Variants in CASZ1 observed in about 807,000 individuals in gnomAD.
CASZ1 encodes the protein zinc finger protein castor homolog 1.
CASZ1 carries 28 observed loss-of-function variants against 135.2 expected under a neutral mutation model. The observed-to-expected ratio is 0.21, with a 90% CI of 0.15 to 0.28. The LOEUF is 0.28. Ranked by LOEUF, CASZ1 falls within the 10% of genes least tolerant of loss-of-function variation. The pLI is 1.00. For synonymous variants in CASZ1, 1,068 were observed against 1,073.4 expected (o/e 0.99, Z 0.10); for missense variants, 2,161 against 2,453.3 (o/e 0.88, Z 2.52).
rs1222200851 is a variant in CASZ1 at position 10,726,554 on chromosome 1, A to G, written c.-76-21010T>C. Among the ~76,000 whole-genome samples, 1 of 152,192 alleles carries G rather than the reference A, an allele frequency of 6.6e-6. No individual in the cohort carries two copies. Among genetic ancestry groups the G allele is most frequent in the African/African-American group, 2.4e-5 (1 of 41,448 alleles). On this transcript the variant is annotated intron_variant, in intron 2 of 20. Coordinates refer to ENST00000377022, the MANE Select transcript of CASZ1 (RefSeq NM_001079843.3). This position sits in a 1 kb window ranked among gnomAD's most constrained non-coding sequence, Gnocchi z 5.7. ...CAGGCCAAGCTGAAGGCTGCATGCC[A>G]ATCCGGCCAGAGGAAACACCGGGCA...
rs1378790769 is a variant in CASZ1, at chr1:10,657,305, C to T, written c.1410-569G>A. Among the ~76,000 whole-genome samples the T allele has an allele frequency of 3.3e-5, 5 of 152,248 alleles. No individual in the cohort carries two copies. Among genetic ancestry groups the T allele is most frequent in the African/African-American group, 1.2e-4 (5 of 41,470 alleles). On this transcript the variant is annotated intron_variant, in intron 7 of 20. Coordinates refer to ENST00000377022, the MANE Select transcript of CASZ1 (RefSeq NM_001079843.3). The surrounding 1 kb of genome is among the most constrained non-coding windows in gnomAD (Gnocchi z 5.7). ...TGTGCTGCCTCCCAGGAAACCCGTC[C>T]TCCTCCAGGCCCCAGGGCCGCTGGG... is the stretch of plus-strand genomic sequence containing the variant.
chr1:10,671,905 G>A (rs1570452497), intron 4 of CASZ1, among the ~76,000 whole-genome samples: 3 of 152,232 alleles, frequency 2.0e-5, no homozygotes, highest in South Asian at 4.1e-4. Flanking sequence ...GGGAGCAGGT[G>A]TGGCTGGCTG....
rs1204486203 is a variant in CASZ1 at position 10,727,059 on chromosome 1, TGAG to T, written c.-76-21518_-76-21516del. Among the ~76,000 whole-genome samples, 5 of 151,356 alleles carry T rather than the reference TGAG, an allele frequency of 3.3e-5. No homozygotes were observed. The East Asian group carries it at 9.8e-4, about 30-fold the overall frequency. ...TCTGGAAGAGAACACAGCCTGTGAG[TGAG>T]GAGGACTGAAACGAAGGCAGAGGGG... On this transcript the variant is annotated intron_variant, in intron 2 of 20. Coordinates refer to ENST00000377022, the MANE Select transcript of CASZ1 (RefSeq NM_001079843.3). The surrounding 1 kb of genome is among the most constrained non-coding windows in gnomAD (Gnocchi z 5.3).
At position 10,720,369 on chromosome 1, in the gene CASZ1, T is replaced by G. The variant is rs1205912232; in HGVS notation, c.-76-14825A>C. ...GATATGGTAACTAGGAATCGTGCCT[T>G]TGGGGCTGGTGATGGCAGAGAGACT... is the stretch of plus-strand genomic sequence containing the variant. On this transcript the variant is annotated intron_variant, in intron 2 of 20. Transcript: ENST00000377022. The surrounding 1 kb of genome is among the most constrained non-coding windows in gnomAD (Gnocchi z 5.7). 6.6e-6 allele frequency among the ~76,000 whole-genome samples: 1 copy of G among 152,150 alleles called. No homozygotes were observed. Among genetic ancestry groups the G allele is most frequent in the Admixed American group, 6.5e-5 (1 of 15,280 alleles).
In CASZ1 at chr1:10,639,139, C is replaced by A; in HGVS notation, c.5083G>T (p.Glu1695Ter). 9.0e-7 allele frequency: 1 copy of A among 1,115,326 alleles called. No individual in the cohort carries two copies. The highest frequency in any genetic ancestry group is 1.1e-6 in the Non-Finnish European group (1 of 898,240). 69.1% of individuals were successfully genotyped at this position (1,115,326 alleles called of 1,614,324 possible). A position where few individuals can be genotyped will look rare whatever the true frequency, so the allele number is the denominator to read the frequency against. Residue 1695 changes from glutamate (E) to a stop codon, truncating the protein, a stop_gained, in exon 21 of 21, where the codon GAG becomes TAG. Transcript: ENST00000377022. LOFTEE classifies it high-confidence loss of function. The surrounding 1 kb of genome is among the most constrained non-coding windows in gnomAD (Gnocchi z 4.0). The part of the protein sequence containing the change: ...PEEEAEDDED[E>*]DDDEDDDDED... The stretch of plus-strand genomic sequence containing the variant: ...TCGTCGTCGTCCTCGTCGTCGTCCT[C>A]GTCCTCGTCGTCTTCGGCCTCCTCC...
intron 4 of CASZ1, among the ~76,000 whole-genome samples, chr1:10,681,230 C>A (rs530644313): frequency 1.3e-5 from 2 of 151,420 alleles, no homozygotes; most frequent in Non-Finnish European, 2.9e-5. Flanking sequence ...AGTCTTTTAT[C>A]CATTACCCTC....
intron 2 of CASZ1, among the ~76,000 whole-genome samples, chr1:10,708,969 G>A (rs904095969): frequency 2.9e-5 from 3 of 102,354 alleles, no homozygotes; most frequent in African/African-American, 2.0e-4. Context: ...TGGAGGACGG[G>A]GAGGGGGGGG....
At chr1:10,653,204 C>T (rs1230302207) in intron 11 of CASZ1, 173 bp downstream of exon 11, 1 of 730,888 alleles carries the variant, frequency 1.4e-6, no homozygotes, top group Admixed American at 2.3e-5. Flanking sequence ...AGGGGCCCCA[C>T]ATAGAAACCA....
At chr1:10,783,660 G>T (rs901399896) in intron 1 of CASZ1, among the ~76,000 whole-genome samples, 7 of 151,928 alleles carry the variant, frequency 4.6e-5, no homozygotes, top group Admixed American at 4.6e-4. Flanking sequence ...ATCACTTGAG[G>T]TCAGGGGTTC....
rs920653465 is a variant in CASZ1 at position 10,757,113 on chromosome 1, C to T, written c.-77+3588G>A. Among the ~76,000 whole-genome samples the T allele has an allele frequency of 3.3e-5, 5 of 152,284 alleles. No individual in the cohort carries two copies. Among genetic ancestry groups the T allele is most frequent in the African/African-American group, 1.2e-4 (5 of 41,568 alleles). ...TTCCCTCCGCAAGGAGCCCGACCCA[C>T]TCAAACGAGCCTTTCTCAGCACCCA... On this transcript the variant is annotated intron_variant, in intron 2 of 20. Coordinates refer to ENST00000377022, the MANE Select transcript of CASZ1 (RefSeq NM_001079843.3). This position sits in a 1 kb window ranked among gnomAD's most constrained non-coding sequence, Gnocchi z 4.6.
At chr1:10,750,192 C>T (rs886505607) in intron 2 of CASZ1, among the ~76,000 whole-genome samples, 6 of 152,262 alleles carry the variant, frequency 3.9e-5, no homozygotes, top group East Asian at 3.9e-4. Context: ...GTTTCAGGGC[C>T]GACTGCACAA....
At chr1:10,780,680 T>C (rs1276058616) in intron 1 of CASZ1, among the ~76,000 whole-genome samples, 4 of 152,220 alleles carry the variant, frequency 2.6e-5, no homozygotes, top group African/African-American at 9.6e-5. Context: ...CCCTTTGATC[T>C]ATTTTCAAAA....
Position 10,642,899 on chromosome 1 carries a change from G to A in CASZ1, c.4122C>T (p.Ser1374=), listed in dbSNP as rs778034955. 3 of 1,612,900 alleles carry A rather than the reference G, an allele frequency of 1.9e-6. No individual in the cohort carries two copies. Among genetic ancestry groups the A allele is most frequent in the Non-Finnish European group, 2.5e-6 (3 of 1,179,974 alleles). Residue 1374 remains serine, a synonymous_variant, in exon 20 of 21, where the codon AGC becomes AGT. Transcript: ENST00000377022. The part of the protein sequence containing the change: ...MSSESSTMDR[S]CSSTPVGNES... Reference sequence around the variant, plus strand: ...CGTTACCCACGGGGGTGCTGGAGCAGCTCCGGTCCATGGTGGATGACTCAG... The same window carrying A: ...CGTTACCCACGGGGGTGCTGGAGCAACTCCGGTCCATGGTGGATGACTCAG...
chr1:10,648,202 A>G (rs939567097), intron 15 of CASZ1, 63 bp from the exon 16 acceptor site: 11 of 1,193,172 alleles, frequency 9.2e-6, no homozygotes, highest in Admixed American at 8.2e-5. Context: ...AGGGGCATGC[A>G]TGTGACCCCA....
Position 10,735,894 on chromosome 1 carries a change from T to C in CASZ1, c.-77+24807A>G, listed in dbSNP as rs1020799576. Among the ~76,000 whole-genome samples, 3 of 152,226 alleles carry C rather than the reference T, an allele frequency of 2.0e-5. No individual in the cohort carries two copies. Among genetic ancestry groups the C allele is most frequent in the African/African-American group, 7.2e-5 (3 of 41,536 alleles). ...CCCCAGGCACATCAGGTTGAAAATG[T>C]GCTTTTTCAGCCAGCTCTGGTCAAG... On this transcript the variant is annotated intron_variant, in intron 2 of 20. Transcript: ENST00000377022. The surrounding 1 kb of genome is among the most constrained non-coding windows in gnomAD (Gnocchi z 5.1).
rs1354451210 is a variant in CASZ1 at position 10,676,897 on chromosome 1, G to C, written c.17-11326C>G. On this transcript the variant is annotated intron_variant, in intron 4 of 20. Transcript: ENST00000377022. The surrounding 1 kb of genome is among the most constrained non-coding windows in gnomAD (Gnocchi z 4.5). ...GGTATCAAGGGCATGCACTCTGTCC[G>C]GGCTGAACCCCATACTGCCTGGCTC... 2.0e-5 allele frequency among the ~76,000 whole-genome samples: 3 copies of C among 152,358 alleles called. No individual in the cohort carries two copies.
At chr1:10,689,752 C>T (rs1303174372) in intron 4 of CASZ1, among the ~76,000 whole-genome samples, 3 of 152,206 alleles carry the variant, frequency 2.0e-5, no homozygotes, top group African/African-American at 7.2e-5. Flanking sequence ...ATGTGCTCCT[C>T]ACCTCGTCCA....
At chr1:10,782,953 T>G (rs1248651662) in intron 1 of CASZ1, among the ~76,000 whole-genome samples, 3 of 152,238 alleles carry the variant, frequency 2.0e-5, no homozygotes, top group Non-Finnish European at 4.4e-5. Context: ...GCTTGTTTTC[T>G]ACCCACTGCC....
intron 4 of CASZ1, among the ~76,000 whole-genome samples, chr1:10,675,430 G>A (rs1444271851): frequency 1.3e-5 from 2 of 152,156 alleles, no homozygotes; most frequent in African/African-American, 4.8e-5. Flanking sequence ...GGCACAGTGC[G>A]AGCAGGCGGG....
Sources: gnomAD v4.1 joint callset for allele counts (sites outside exome capture counted in the v4.1 genomes callset) on GRCh38, gnomAD v4.1.1 for gene constraint, Gnocchi (gnomAD v3.1) non-coding constraint, MANE v1.5 for transcripts, NCBI Gene and HGNC (gene_info 2026-07-23, HGNC 2026-07-21) for gene names.